Variants in FLI1 observed in about 807,000 individuals in gnomAD.
FLI1 encodes the protein Friend leukemia integration 1 transcription factor.
FLI1 carries 13 observed loss-of-function variants against 53.1 expected under a neutral mutation model. The ratio of observed to expected loss-of-function variants is 0.24; its 90% CI spans 0.16 to 0.39. The LOEUF (loss-of-function observed/expected upper bound fraction) is 0.39. FLI1 is among the 10% of genes least tolerant of loss of function. The pLI is 1.00. For missense variants in FLI1, 424 were observed against 600.5 expected, an observed-to-expected ratio of 0.71 and a Z score of 3.07; for synonymous variants, 244 against 236.7, an observed-to-expected ratio of 1.03 and a Z score of -0.28.
chr11:128,744,352 C>G (rs963743686), intron 1 of FLI1, among the ~76,000 whole-genome samples: 7 of 152,126 alleles, frequency 4.6e-5, no homozygotes, highest in African/African-American at 1.7e-4. Context: ...TAGCTCAGTC[C>G]TTTTATGTAG....
intron 1 of FLI1, among the ~76,000 whole-genome samples, chr11:128,726,630 G>GT (rs1939495604): frequency 6.6e-6 from 1 of 151,532 alleles, no homozygotes; most frequent in Non-Finnish European, 1.5e-5. Flanking sequence ...TAGTTGGGCG[G>GT]TGCCCTCTTT....
intron 1 of FLI1, among the ~76,000 whole-genome samples, chr11:128,715,894 G>A (rs907413246): frequency 6.6e-6 from 1 of 152,228 alleles, no homozygotes; most frequent in Non-Finnish European, 1.5e-5. Flanking sequence ...GAAATTCCCT[G>A]TTGTATTGTT....
At chr11:128,775,162 G>T (rs600244) in intron 4 of FLI1, among the ~76,000 whole-genome samples, 113,125 of 151,720 alleles carry the variant, frequency 0.75, 43,556 homozygotes, top group Admixed American at 0.84. Context: ...TATCCAGAGT[G>T]GAGGATGGTG....
chr11:128,783,500 A>G (rs944022855), intron 5 of FLI1, among the ~76,000 whole-genome samples: 1 of 152,084 alleles, frequency 6.6e-6, no homozygotes, highest in Non-Finnish European at 1.5e-5. Flanking sequence ...TTTCCAAATC[A>G]GATTTCTTGA....
At chr11:128,776,040 T>G (rs1941717778) in intron 4 of FLI1, among the ~76,000 whole-genome samples, 1 of 152,260 alleles carries the variant, frequency 6.6e-6, no homozygotes, top group Non-Finnish European at 1.5e-5. Context: ...TAAGAAGCTT[T>G]GGCATCAAAT....
chr11:128,774,577 G>A (rs1160958260), intron 4 of FLI1, among the ~76,000 whole-genome samples: 1 of 152,222 alleles, frequency 6.6e-6, no homozygotes, highest in African/African-American at 2.4e-5. Context: ...CCTGATTCCA[G>A]CAGGAGTTTG....
intron 1 of FLI1, among the ~76,000 whole-genome samples, chr11:128,699,338 G>A (rs1320241451): frequency 6.6e-6 from 1 of 152,208 alleles, no homozygotes. Context: ...AGAAAGAAAA[G>A]AGTTGGGAAA....
At chr11:128,777,637 A>G (rs965412333) in intron 4 of FLI1, among the ~76,000 whole-genome samples, 4 of 152,228 alleles carry the variant, frequency 2.6e-5, no homozygotes, top group Admixed American at 2.6e-4. Context: ...CCCTGGACCC[A>G]GTAGTCAGCC....
chr11:128,783,462 C>G (rs1378871446), intron 5 of FLI1, among the ~76,000 whole-genome samples: 1 of 152,210 alleles, frequency 6.6e-6, no homozygotes, highest in Non-Finnish European at 1.5e-5. Context: ...CCACCCTGAG[C>G]CAGTCCTGTT....
chr11:128,698,739 A>T (rs373858975), intron 1 of FLI1, among the ~76,000 whole-genome samples: 80 of 106,232 alleles, frequency 7.5e-4, no homozygotes, highest in African/African-American at 2.9e-3. Context: ...TGTGTGAGAG[A>T]GAGAGAGAGA....
intron 1 of FLI1, among the ~76,000 whole-genome samples, chr11:128,754,183 T>C (rs1312139560): frequency 2.6e-5 from 4 of 152,078 alleles, no homozygotes; most frequent in Middle Eastern, 3.4e-3. Flanking sequence ...TTTCTCTACA[T>C]TGTAATGGAA....
intron 1 of FLI1, 78 bp from the exon 2 acceptor site, chr11:128,758,037 T>C: frequency 7.5e-7 from 1 of 1,335,664 alleles, no homozygotes; most frequent in Non-Finnish European, 1.0e-6. Flanking sequence ...TGGGCCACCT[T>C]GCCAGCTCAA....
chr11:128,770,762 C>T (rs761759467), intron 3 of FLI1, among the ~76,000 whole-genome samples: 3 of 152,140 alleles, frequency 2.0e-5, no homozygotes, highest in Non-Finnish European at 4.4e-5. Context: ...CCAACTCTCC[C>T]GAGGATATGT....
At chr11:128,766,901 C>G (rs1409361917) in intron 2 of FLI1, among the ~76,000 whole-genome samples, 1 of 151,884 alleles carries the variant, frequency 6.6e-6, no homozygotes, top group Admixed American at 6.6e-5. Context: ...GGCTGTCTCC[C>G]AGGCTGCCAG....
intron 1 of FLI1, among the ~76,000 whole-genome samples, chr11:128,699,243 C>G (rs543370431): frequency 6.6e-6 from 1 of 152,260 alleles, no homozygotes; most frequent in East Asian, 1.9e-4. Flanking sequence ...GTTTAAAAAA[C>G]AGTTGATTTA....
chr11:128,812,698 G>T lies in FLI1; in HGVS notation c.*1710G>T, dbSNP rs1942962987. 4.5e-6 allele frequency: 1 copy of T among 221,150 alleles called. No individual in the cohort carries two copies. Among genetic ancestry groups the T allele is most frequent in the Non-Finnish European group, 9.1e-6 (1 of 110,306 alleles). The allele number at this position is 221,150 out of a possible 1,614,324, so 13.7% of individuals were successfully genotyped here. A position where few individuals can be genotyped will look rare whatever the true frequency, so the allele number is the denominator to read the frequency against. On this transcript the variant is annotated 3_prime_UTR_variant, in exon 9 of 9. Coordinates refer to ENST00000527786, the MANE Select transcript of FLI1 (RefSeq NM_002017.5). ...GTAAGGACTGGAGCAAAGCGAGCTG[G>T]TCTATCCAGACTGGTCTGTGAGATT... is the stretch of plus-strand genomic sequence containing the variant.
upstream of FLI1, among the ~76,000 whole-genome samples, chr11:128,685,511 CCTT>C (rs1233753546): frequency 1.3e-5 from 2 of 151,730 alleles, no homozygotes; most frequent in African/African-American, 2.4e-5. Context: ...TCTTTTTTCT[CCTT>C]CTTTCCTCTC....
Position 128,725,662 on chromosome 11 carries a change from CTGTG to C in FLI1, c.18+31396_18+31399del, listed in dbSNP as rs58514233. ...ATTCTCTCTCCCTCTCTCTCTCTCTCTGTGTGTGTGTGTTTGTGTGTGTGTGTGT... is the reference window on the plus strand; with the variant it reads ...ATTCTCTCTCCCTCTCTCTCTCTCTCTGTGTGTGTTTGTGTGTGTGTGTGT... On this transcript the variant is annotated intron_variant, in intron 1 of 8. Coordinates refer to ENST00000527786, the MANE Select transcript of FLI1 (RefSeq NM_002017.5). Among the ~76,000 whole-genome samples, 354 of 149,674 alleles carry C rather than the reference CTGTG, an allele frequency of 2.4e-3. 2 individuals carry two copies. The highest frequency in any genetic ancestry group is 7.0e-3 in the African/African-American group (283 of 40,552).
At chr11:128,788,340 G>A (rs1565500619) in intron 5 of FLI1, among the ~76,000 whole-genome samples, 1 of 152,038 alleles carries the variant, frequency 6.6e-6, no homozygotes, top group Non-Finnish European at 1.5e-5. Flanking sequence ...GTGGTGGCAT[G>A]TGCCTGTAGT....
Sources: allele counts gnomAD v4.1 joint callset (sites outside exome capture counted in the v4.1 genomes callset), GRCh38; gene constraint gnomAD v4.1.1; transcripts MANE v1.5; gene names NCBI Gene and HGNC (gene_info 2026-07-23, HGNC 2026-07-21).